Variants in FGD4 observed in about 807,000 individuals in gnomAD.
The protein encoded by FGD4 is FYVE, RhoGEF and PH domain-containing protein 4.
In FGD4, 42 loss-of-function variants were observed where a neutral mutation model predicts 102.0. That is an observed-to-expected ratio of 0.41 (90% CI 0.32 to 0.53). The LOEUF (loss-of-function observed/expected upper bound fraction) is 0.53, where lower values mean the gene tolerates loss of function less well. FGD4 is among the 20% of genes least tolerant of loss of function. The pLI is 0.21. For missense variants in FGD4, 902 were observed against 1,078.2 expected, an observed-to-expected ratio of 0.84 and a Z score of 2.29; for synonymous variants, 380 against 375.7, an observed-to-expected ratio of 1.01 and a Z score of -0.13.
intron 4 of FGD4, among the ~76,000 whole-genome samples, chr12:32,590,235 G>C (rs771934342): frequency 2.4e-4 from 36 of 149,578 alleles, no homozygotes; most frequent in Non-Finnish European, 4.4e-4. Context: ...ACTTGAACCC[G>C]AGAGGCAGAG....
At chr12:32,439,708 CTTTCTCCATG>C (rs1259555353) in intron 1 of FGD4, among the ~76,000 whole-genome samples, 1 of 152,110 alleles carries the variant, frequency 6.6e-6, no homozygotes, top group Non-Finnish European at 1.5e-5. Flanking sequence ...ATATTGATAT[CTTTCTCCATG>C]TTTGAGACAT....
chr12:32,518,837 A>G (rs7308334), intron 1 of FGD4, among the ~76,000 whole-genome samples: 71,915 of 150,790 alleles, frequency 0.48, 18,122 homozygotes, highest in Middle Eastern at 0.66. Context: ...AACAAGGGCC[A>G]GGCACGGCAG....
intron 1 of FGD4, among the ~76,000 whole-genome samples, chr12:32,526,899 C>A (rs192795325): frequency 6.6e-6 from 1 of 152,076 alleles, no homozygotes; most frequent in East Asian, 1.9e-4. Context: ...CCACCAATTC[C>A]GAACACATTT....
chr12:32,438,184 G>A (rs933309183), intron 1 of FGD4, among the ~76,000 whole-genome samples: 13 of 152,196 alleles, frequency 8.5e-5, no homozygotes, highest in Non-Finnish European at 1.2e-4. Flanking sequence ...GAGCCACCGC[G>A]TCTGGCCAGG....
chr12:32,576,379 T>C lies in FGD4; in HGVS notation c.433T>C (p.Ser145Pro), dbSNP rs369365466. The change falls in exon 3 of 17, where the codon TCT becomes CCT. Residue 145 changes from serine to proline, a missense_variant. Physicochemically the swap from Ser to Pro is moderately conservative, Grantham distance 74. Coordinates refer to ENST00000534526, the MANE Select transcript of FGD4 (RefSeq NM_001370298.3). ...KPRMEEIKPA[S>P]ASCVSKEKPS... ...AAGGATGGAGGAAATTAAACCTGCC[T>C]CTGCTTCTTGTGTCTCAAAAGAAAA... The C allele has an allele frequency of 6.8e-6, 11 of 1,614,042 alleles. No homozygotes were observed. The African/African-American group carries it at 1.2e-4, about 18-fold the overall frequency.
intron 1 of FGD4, among the ~76,000 whole-genome samples, chr12:32,451,146 T>C (rs1942763769): frequency 6.6e-6 from 1 of 152,262 alleles, no homozygotes; most frequent in African/African-American, 2.4e-5. Context: ...TAACCTTAAA[T>C]TGCATTTTTT....
At chr12:32,420,010 A>G (rs1485403757) in intron 1 of FGD4, among the ~76,000 whole-genome samples, 2 of 152,200 alleles carry the variant, frequency 1.3e-5, no homozygotes, top group Admixed American at 6.5e-5. Flanking sequence ...CAGTGATATG[A>G]AATTAAAACC....
At chr12:32,436,161 T>A (rs1459547340) in intron 1 of FGD4, among the ~76,000 whole-genome samples, 1 of 152,094 alleles carries the variant, frequency 6.6e-6, no homozygotes, top group Non-Finnish European at 1.5e-5. Context: ...ATAAATAAAT[T>A]ATGTGGTTGG....
chr12:32,593,019 G>A (rs1947606484), intron 4 of FGD4, among the ~76,000 whole-genome samples: 1 of 152,112 alleles, frequency 6.6e-6, no homozygotes, highest in African/African-American at 2.4e-5. Context: ...GAGAGCCAAG[G>A]TATATCATGA....
At chr12:32,613,025 A>T (rs1949243070) in intron 10 of FGD4, among the ~76,000 whole-genome samples, 1 of 152,170 alleles carries the variant, frequency 6.6e-6, no homozygotes, top group Admixed American at 6.5e-5. Context: ...AATAATATGC[A>T]TTGACAAAGA....
chr12:32,639,682 T>C (rs1476526135), intron 16 of FGD4, among the ~76,000 whole-genome samples: 1 of 152,232 alleles, frequency 6.6e-6, no homozygotes, highest in African/African-American at 2.4e-5. Context: ...GATTGTGTTG[T>C]GCTTGAAGAA....
At chr12:32,568,271 C>G (rs2136312975) in intron 2 of FGD4, among the ~76,000 whole-genome samples, 1 of 152,290 alleles carries the variant, frequency 6.6e-6, no homozygotes, top group South Asian at 2.1e-4. Context: ...GATAAACTTG[C>G]ATTTGGATCC....
chr12:32,485,933 A>G, intron 1 of FGD4: 5 of 1,272,656 alleles, frequency 3.9e-6, no homozygotes, highest in Middle Eastern at 3.0e-4. Flanking sequence ...CATCACTGCC[A>G]GAAGAAGACT....
At chr12:32,542,312 T>C (rs1942908909) in intron 1 of FGD4, among the ~76,000 whole-genome samples, 1 of 152,180 alleles carries the variant, frequency 6.6e-6, no homozygotes, top group African/African-American at 2.4e-5. Context: ...GAAATCAAGT[T>C]TAGAAAAATA....
At chr12:32,481,370 C>T (rs1443656414) in intron 1 of FGD4, among the ~76,000 whole-genome samples, 2 of 152,110 alleles carry the variant, frequency 1.3e-5, no homozygotes, top group Non-Finnish European at 2.9e-5. Flanking sequence ...TATGGTCTTA[C>T]AAGATGTAAT....
chr12:32,477,687 GA>G (rs1943617235), intron 1 of FGD4, among the ~76,000 whole-genome samples: 1 of 152,174 alleles, frequency 6.6e-6, no homozygotes, highest in African/African-American at 2.4e-5. Flanking sequence ...TGTAGAGAAA[GA>G]GTCCCCTTCC....
At chr12:32,443,569 T>C (rs1463054288) in intron 1 of FGD4, among the ~76,000 whole-genome samples, 7 of 147,422 alleles carry the variant, frequency 4.7e-5, no homozygotes, top group Non-Finnish European at 6.0e-5. Context: ...GGCAGGGTCT[T>C]ACTCTGTCAC....
chr12:32,552,433 CATTTTTTTTTTT>C (rs1565831635), intron 1 of FGD4, among the ~76,000 whole-genome samples: 1 of 84,876 alleles, frequency 1.2e-5, no homozygotes, highest in Admixed American at 1.2e-4. Flanking sequence ...CTAATTTTTG[CATTTTTTTTTTT>C]TTTTTTTTTT....
rs576950040 is a variant in FGD4, at chr12:32,645,362, G to A, written c.*4829G>A. 2.2e-3 allele frequency: 334 copies of A among 152,144 alleles called. No individual in the cohort carries two copies. The highest frequency in any genetic ancestry group is 7.6e-3 in the African/African-American group (317 of 41,510). The allele number at this position is 152,144 out of a possible 1,614,324, so 9.4% of individuals were successfully genotyped here. On this transcript the variant is annotated 3_prime_UTR_variant, in exon 17 of 17. Coordinates refer to ENST00000534526, the MANE Select transcript of FGD4 (RefSeq NM_001370298.3). ...AATTGACATTTTAAAATAAGCATAG[G>A]CCGGGCATAGTGGCTCATGCCTGTA...
Sources: gnomAD v4.1 joint callset for allele counts (sites outside exome capture counted in the v4.1 genomes callset) on GRCh38, gnomAD v4.1.1 for gene constraint, MANE v1.5 for transcripts, NCBI Gene and HGNC (gene_info 2026-07-23, HGNC 2026-07-21) for gene names.